TSPAN18: variants seen among roughly 807,000 people sequenced by gnomAD.
The protein encoded by TSPAN18 is tetraspanin-18.
Under a neutral mutation model 27.3 loss-of-function variants are expected in TSPAN18, and 14 were observed. The observed-to-expected ratio is 0.51, with a 90% CI of 0.34 to 0.80. The LOEUF (loss-of-function observed/expected upper bound fraction) is 0.80. Among genes scored for constraint, TSPAN18 ranks in the 30% least tolerant of loss-of-function variants. The pLI, the probability that TSPAN18 is intolerant of heterozygous loss-of-function variation, is 0.01. For missense variants in TSPAN18, 268 were observed against 323.9 expected (o/e 0.83, Z 1.32); for synonymous variants, 143 against 136.5 (o/e 1.05, Z -0.33).
At chr11:44,866,327 ATTATG>A (rs1438236649) in intron 3 of TSPAN18, among the ~76,000 whole-genome samples, 1 of 152,120 alleles carries the variant, frequency 6.6e-6, no homozygotes, top group East Asian at 1.9e-4. Context: ...TTCAATCCCA[ATTATG>A]TTGGGGAGTG....
intron 9 of TSPAN18, among the ~76,000 whole-genome samples, chr11:44,928,030 G>A (rs568547680): frequency 2.0e-5 from 3 of 152,282 alleles, no homozygotes; most frequent in Non-Finnish European, 2.9e-5. Flanking sequence ...ACATGGCCCC[G>A]TCCCGGTAGC....
intron 1 of TSPAN18, among the ~76,000 whole-genome samples, chr11:44,727,573 T>A (rs1027366406): frequency 2.9e-4 from 44 of 151,090 alleles, no homozygotes; most frequent in African/African-American, 1.0e-3. Flanking sequence ...GTGCTCCGGG[T>A]GGAGGAGTGG....
chr11:44,810,316 C>T (rs961602707), intron 2 of TSPAN18, among the ~76,000 whole-genome samples: 2 of 152,162 alleles, frequency 1.3e-5, no homozygotes, highest in Admixed American at 1.3e-4. Context: ...CCTTCGCAAC[C>T]ACCAATTCCT....
intron 2 of TSPAN18, among the ~76,000 whole-genome samples, chr11:44,779,456 GGA>G (rs1294431841): frequency 6.6e-6 from 1 of 152,130 alleles, no homozygotes; most frequent in Non-Finnish European, 1.5e-5. Context: ...TTTAGACCCT[GGA>G]GAAGGTTAAT....
At chr11:44,909,921 C>G (rs1486709546) in intron 5 of TSPAN18, 22 bp downstream of exon 5, 1 of 1,598,590 alleles carries the variant, frequency 6.3e-7, no homozygotes, top group Non-Finnish European at 8.5e-7. Context: ...AGCCCCCACC[C>G]CATCCATGGG....
chr11:44,834,237 C>G (rs1857216298), intron 2 of TSPAN18, among the ~76,000 whole-genome samples: 1 of 152,026 alleles, frequency 6.6e-6, no homozygotes, highest in South Asian at 2.1e-4. Context: ...TCTTTCCAGC[C>G]TGCACCTCGG....
At chr11:44,855,220 CTG>C (rs1857704329) in intron 2 of TSPAN18, among the ~76,000 whole-genome samples, 1 of 151,998 alleles carries the variant, frequency 6.6e-6, no homozygotes, top group African/African-American at 2.4e-5. Flanking sequence ...AATAAGCACA[CTG>C]TGCAAAAGTC....
intron 2 of TSPAN18, among the ~76,000 whole-genome samples, chr11:44,769,693 G>A (rs935331345): frequency 2.6e-5 from 4 of 152,208 alleles, no homozygotes; most frequent in Non-Finnish European, 5.9e-5. Context: ...TGTGGGCATA[G>A]AGTTGTGTAT....
Position 44,909,687 on chromosome 11 carries a change from C to T in TSPAN18, c.64-18C>T, listed in dbSNP as rs773310292. 9 of 1,600,220 alleles carry T rather than the reference C, an allele frequency of 5.6e-6. No individual in the cohort carries two copies. The East Asian group carries it at 1.8e-4, about 32-fold the overall frequency. On this transcript the variant is annotated intron_variant, in intron 4 of 9. Coordinates refer to ENST00000520358, the MANE Select transcript of TSPAN18 (RefSeq NM_130783.5). ...TTCTGCCTGTTTCTCCTCCCAACTC[C>T]TCCACTGGCCCGAGCAGCTGGGCGG...
intron 3 of TSPAN18, among the ~76,000 whole-genome samples, chr11:44,876,709 T>C (rs894100933): frequency 6.6e-6 from 1 of 152,220 alleles, no homozygotes; most frequent in African/African-American, 2.4e-5. Context: ...TTCCTTGTTG[T>C]AAAAAATAGA....
At chr11:44,894,570 G>A (rs1858973387) in intron 3 of TSPAN18, among the ~76,000 whole-genome samples, 4 of 152,248 alleles carry the variant, frequency 2.6e-5, no homozygotes. Context: ...ATGGGGCTGA[G>A]CCGCCATCTG....
chr11:44,862,087 C>T (rs1043391126), intron 3 of TSPAN18, among the ~76,000 whole-genome samples: 50 of 151,990 alleles, frequency 3.3e-4, no homozygotes, highest in African/African-American at 1.1e-3. Context: ...CTAAATGGGC[C>T]CCTTCCCAGA....
chr11:44,858,991 C>T (rs1041790469), intron 2 of TSPAN18, among the ~76,000 whole-genome samples: 1 of 152,172 alleles, frequency 6.6e-6, no homozygotes, highest in East Asian at 1.9e-4. Context: ...CAGTTCACAC[C>T]GTCTGGTGTG....
intron 2 of TSPAN18, among the ~76,000 whole-genome samples, chr11:44,766,104 G>T (rs1855562472): frequency 6.6e-6 from 1 of 152,322 alleles, no homozygotes; most frequent in Admixed American, 6.5e-5. Flanking sequence ...CTGCCTCTGT[G>T]CCCATAGTCA....
intron 3 of TSPAN18, among the ~76,000 whole-genome samples, chr11:44,875,515 A>G (rs1298414919): frequency 2.0e-5 from 3 of 152,216 alleles, no homozygotes; most frequent in Non-Finnish European, 4.4e-5. Flanking sequence ...GCACAACCCA[A>G]TTCACAGTGC....
chr11:44,727,590 C>T (rs1192113253), intron 1 of TSPAN18, among the ~76,000 whole-genome samples: 1 of 151,944 alleles, frequency 6.6e-6, no homozygotes. Flanking sequence ...GTGGGGGCTT[C>T]TGGAGAACGG....
intron 3 of TSPAN18, among the ~76,000 whole-genome samples, chr11:44,880,587 C>T (rs1284443340): frequency 1.3e-5 from 2 of 152,232 alleles, no homozygotes; most frequent in East Asian, 3.8e-4. Context: ...CACCTGATCA[C>T]AGCTCAGCTG....
intron 9 of TSPAN18, among the ~76,000 whole-genome samples, chr11:44,927,445 G>T (rs1208703572): frequency 6.6e-6 from 1 of 152,208 alleles, no homozygotes; most frequent in Admixed American, 6.5e-5. Flanking sequence ...GCCTGCGGGG[G>T]AAGGAAGTCA....
At chr11:44,927,587 A>T (rs1860412816) in intron 9 of TSPAN18, among the ~76,000 whole-genome samples, 1 of 152,142 alleles carries the variant, frequency 6.6e-6, no homozygotes, top group Non-Finnish European at 1.5e-5. Context: ...CAGATGGCGG[A>T]GAGGGAGGGG....
Sources: allele counts gnomAD v4.1 joint callset (sites outside exome capture counted in the v4.1 genomes callset), GRCh38; gene constraint gnomAD v4.1.1; transcripts MANE v1.5; gene names NCBI Gene and HGNC (gene_info 2026-07-23, HGNC 2026-07-21).